FAXC: variants seen among roughly 807,000 people sequenced by gnomAD.
FAXC encodes the protein failed axon connections homolog, metaxin like GST domain containing.
Under a neutral mutation model 41.9 loss-of-function variants are expected in FAXC, and 10 were observed. The observed-to-expected ratio is 0.24, with a 90% CI of 0.15 to 0.41. The LOEUF is 0.41. Among genes scored for constraint, FAXC ranks in the 10% least tolerant of loss-of-function variants. FAXC has a pLI of 1.00. For synonymous variants in FAXC, 183 were observed against 183.8 expected (o/e 1.00, Z 0.03); for missense variants, 399 against 510.9 (o/e 0.78, Z 2.11).
At chr6:99,317,548 G>C (rs1487147948) in intron 4 of FAXC, among the ~76,000 whole-genome samples, 2 of 150,462 alleles carry the variant, frequency 1.3e-5, no homozygotes, top group Non-Finnish European at 2.9e-5. Flanking sequence ...GTAGTAGTCA[G>C]GTCAGAAAAC....
At chr6:99,298,575 G>A (rs145321444) in intron 4 of FAXC, among the ~76,000 whole-genome samples, 251 of 152,230 alleles carry the variant, frequency 1.6e-3, no homozygotes, top group African/African-American at 5.2e-3. Context: ...TCTTACCTAC[G>A]TGTAGGTCCT....
intron 5 of FAXC, among the ~76,000 whole-genome samples, chr6:99,284,720 CTG>C (rs946615988): frequency 2.0e-5 from 3 of 152,082 alleles, no homozygotes; most frequent in Non-Finnish European, 4.4e-5. Context: ...CGATACCAGC[CTG>C]GCCAACATGG....
At chr6:99,340,102 A>C (rs545928757) in intron 2 of FAXC, among the ~76,000 whole-genome samples, 13 of 152,046 alleles carry the variant, frequency 8.6e-5, no homozygotes, top group Non-Finnish European at 1.5e-4. Flanking sequence ...GATTAACATC[A>C]ATTTTCTTTT....
chr6:99,285,011 A>G (rs1276483914), intron 5 of FAXC, among the ~76,000 whole-genome samples: 1 of 117,308 alleles, frequency 8.5e-6, no homozygotes, highest in Admixed American at 9.2e-5. Flanking sequence ...TAACAGTTTC[A>G]TCTACTTGAC....
rs1770679917 is a variant in FAXC, at chr6:99,277,653, G to C, written c.*3511C>G. On this transcript the variant is annotated 3_prime_UTR_variant, in exon 6 of 6. Transcript: ENST00000389677. The stretch of plus-strand genomic sequence containing the variant: ...AAAAGCGAAGTAGGATTCCAACCAG[G>C]GAATGGCTGGAGATGTGCTGGTTGT... The C allele has an allele frequency of 6.6e-6, 1 of 152,222 alleles. No homozygotes were observed. Among genetic ancestry groups the C allele is most frequent in the Non-Finnish European group, 1.5e-5 (1 of 68,096 alleles). The allele number at this position is 152,222 out of a possible 1,614,324, so 9.4% of individuals were successfully genotyped here.
rs1218577440 is a variant in FAXC at position 99,272,544 on chromosome 6, C to T, written c.*8620G>A. The T allele has an allele frequency of 6.6e-6, 1 of 152,284 alleles. No homozygotes were observed. The highest frequency in any genetic ancestry group is 1.5e-5 in the Non-Finnish European group (1 of 68,092). The allele number at this position is 152,284 out of a possible 1,614,324, so 9.4% of individuals were successfully genotyped here. On this transcript the variant is annotated 3_prime_UTR_variant, in exon 6 of 6. Coordinates refer to ENST00000389677, the MANE Select transcript of FAXC (RefSeq NM_032511.4). ...GGCCTAGCCATAGTAAAGGTCTCAACATGTGCTCCCAGCTCTCCCTCTCCT... is the reference window on the plus strand; with the variant it reads ...GGCCTAGCCATAGTAAAGGTCTCAATATGTGCTCCCAGCTCTCCCTCTCCT...
chr6:99,309,836 C>T (rs982777186), intron 4 of FAXC: 1 of 879,228 alleles, frequency 1.1e-6, no homozygotes, highest in Non-Finnish European at 1.4e-6. Context: ...GAGGTACTCA[C>T]CAGAATGCAA....
rs1773717223 is a variant in FAXC, at chr6:99,349,439, G to T, written c.-67C>A. ...CGCCCGCATGGGAAGGGGCCGGCGCGGCCCGGCGCGGGCTCAGAGGCGCGC... is the reference window on the plus strand; with the variant it reads ...CGCCCGCATGGGAAGGGGCCGGCGCTGCCCGGCGCGGGCTCAGAGGCGCGC... On this transcript the variant is annotated 5_prime_UTR_variant, in exon 1 of 6. Transcript: ENST00000389677. The T allele has an allele frequency of 5.1e-6, 6 of 1,182,858 alleles. No homozygotes were observed. In the East Asian group the frequency reaches 1.3e-4, roughly 25 times the overall value. The allele number at this position is 1,182,858 out of a possible 1,614,324, so 73.3% of individuals were successfully genotyped here. A position where few individuals can be genotyped will look rare whatever the true frequency, so the allele number is the denominator to read the frequency against.
chr6:99,349,530 G>A lies in FAXC; in HGVS notation c.-158C>T, dbSNP rs1773725376. The A allele has an allele frequency of 1.5e-5, 3 of 204,074 alleles. No homozygotes were observed. The highest frequency in any genetic ancestry group is 2.0e-5 in the Non-Finnish European group (3 of 153,278). 12.6% of individuals were successfully genotyped at this position (204,074 alleles called of 1,614,324 possible). A position where few individuals can be genotyped will look rare whatever the true frequency, so the allele number is the denominator to read the frequency against. On this transcript the variant is annotated 5_prime_UTR_variant, in exon 1 of 6. Coordinates refer to ENST00000389677, the MANE Select transcript of FAXC (RefSeq NM_032511.4). ...GGCGGCGACTGAGGAGGCGGCGGCA[G>A]AGGAGGAGGAGGAGGAAGGGCACTG...
chr6:99,309,817 T>A (rs1772088747), intron 4 of FAXC: 4 of 684,806 alleles, frequency 5.8e-6, no homozygotes, highest in Non-Finnish European at 7.2e-6. Context: ...TATGAACTTG[T>A]AAGAGGGTGA....
At chr6:99,296,459 C>T (rs937678160) in intron 4 of FAXC, among the ~76,000 whole-genome samples, 6 of 152,078 alleles carry the variant, frequency 3.9e-5, no homozygotes, top group East Asian at 1.9e-4. Flanking sequence ...TGCCAGCCTC[C>T]GAGCTCAGAA....
At position 99,272,628 on chromosome 6, in the gene FAXC, C is replaced by T. The variant is rs1029530280; in HGVS notation, c.*8536G>A. The T allele has an allele frequency of 7.2e-5, 11 of 152,204 alleles. No individual in the cohort carries two copies. The highest frequency in any genetic ancestry group is 2.2e-4 in the African/African-American group (9 of 41,452). 9.4% of individuals were successfully genotyped at this position (152,204 alleles called of 1,614,324 possible). ...TCGTAACACTCTGAGGCACACTGGG[C>T]ATGAAATAAAAGCAGGAGAGGATGG... On this transcript the variant is annotated 3_prime_UTR_variant, in exon 6 of 6. Coordinates refer to ENST00000389677, the MANE Select transcript of FAXC (RefSeq NM_032511.4).
Position 99,349,348 on chromosome 6 carries a change from A to T in FAXC, c.25T>A (p.Ser9Thr), listed in dbSNP as rs1372360339. 6.2e-7 allele frequency: 1 copy of T among 1,612,264 alleles called. No individual in the cohort carries two copies. Among genetic ancestry groups the T allele is most frequent in the Non-Finnish European group, 8.5e-7 (1 of 1,179,836 alleles). MHWGVGFA[S>T]SRPCVVDLSW... is the part of the protein sequence containing the mutation. The stretch of plus-strand genomic sequence containing the variant: ...AGATCCACCACGCACGGCCTGGACG[A>T]AGCAAAGCCAACCCCCCAGTGCATG... The change falls in exon 1 of 6, where the codon TCG becomes ACG. Residue 9 changes from serine to threonine, a missense_variant. By Grantham distance (58) the Ser-to-Thr change is moderately conservative. Coordinates refer to ENST00000389677, the MANE Select transcript of FAXC (RefSeq NM_032511.4).
chr6:99,349,100 G>A lies in FAXC; in HGVS notation c.266+7C>T. The A allele has an allele frequency of 1.2e-6, 2 of 1,612,900 alleles. No individual in the cohort carries two copies. Among genetic ancestry groups the A allele is most frequent in the Non-Finnish European group, 1.7e-6 (2 of 1,179,746 alleles). On this transcript the variant is annotated splice_region_variant and intron_variant, in intron 1 of 5. Coordinates refer to ENST00000389677, the MANE Select transcript of FAXC (RefSeq NM_032511.4). ...CGCCCCTGTGCGGGGCCCTCTCTCC[G>A]GCTCACCTAATGACCAGGAGTTCGT...
intron 4 of FAXC, among the ~76,000 whole-genome samples, chr6:99,295,423 G>A (rs536398119): frequency 3.3e-5 from 5 of 152,218 alleles, no homozygotes; most frequent in Non-Finnish European, 7.3e-5. Context: ...AGTGGACTGA[G>A]TAAAGCAGAT....
rs139638307 is a variant in FAXC, at chr6:99,302,940, T to C, written c.824-11120A>G. Among the ~76,000 whole-genome samples, 413 of 152,292 alleles carry C rather than the reference T, an allele frequency of 2.7e-3. 1 individual carries two copies. The highest frequency in any genetic ancestry group is 9.6e-3 in the African/African-American group (400 of 41,554). ...CATAACTATTAAATCTAGGTGGTGA[T>C]TGTAAAGTTGTTCATTGTACTGCTC... On this transcript the variant is annotated intron_variant, in intron 4 of 5. Transcript: ENST00000389677.
chr6:99,320,502 C>A (rs1273011244), intron 4 of FAXC, among the ~76,000 whole-genome samples: 2 of 152,144 alleles, frequency 1.3e-5, no homozygotes, highest in Non-Finnish European at 2.9e-5. Flanking sequence ...TGTCTCCTGT[C>A]TCTCTTTACC....
intron 4 of FAXC, among the ~76,000 whole-genome samples, chr6:99,301,927 G>A (rs1299938254): frequency 6.6e-6 from 1 of 152,164 alleles, no homozygotes; most frequent in Non-Finnish European, 1.5e-5. Context: ...ATTGCTGTCT[G>A]CATAATAAGT....
chr6:99,276,526 C>T lies in FAXC; in HGVS notation c.*4638G>A, dbSNP rs1222374160. The T allele has an allele frequency of 6.6e-6, 1 of 152,186 alleles. No homozygotes were observed. Among genetic ancestry groups the T allele is most frequent in the Non-Finnish European group, 1.5e-5 (1 of 68,034 alleles). The allele number at this position is 152,186 out of a possible 1,614,324, so 9.4% of individuals were successfully genotyped here. A position where few individuals can be genotyped will look rare whatever the true frequency, so the allele number is the denominator to read the frequency against. On this transcript the variant is annotated 3_prime_UTR_variant, in exon 6 of 6. Coordinates refer to ENST00000389677, the MANE Select transcript of FAXC (RefSeq NM_032511.4). ...CCAAACCTCTAAAACAAAATTTTCT[C>T]AAATAACCTAAGAGCACTTCTTTCT... is the stretch of plus-strand genomic sequence containing the variant.
Sources: allele counts gnomAD v4.1 joint callset (sites outside exome capture counted in the v4.1 genomes callset), GRCh38; gene constraint gnomAD v4.1.1; transcripts MANE v1.5; gene names NCBI Gene and HGNC (gene_info 2026-07-23, HGNC 2026-07-21).